The following FBXL17 variants were observed in gnomAD, a reference collection of about 807,000 sequenced individuals.
FBXL17 encodes the protein F-box/LRR-repeat protein 17.
In FBXL17, 22 loss-of-function variants were observed where a neutral mutation model predicts 66.2. The observed-to-expected ratio is 0.33, with a 90% confidence interval of 0.24 to 0.47. FBXL17 has a LOEUF of 0.47. Among genes scored for constraint, FBXL17 ranks in the 20% least tolerant of loss-of-function variants. The pLI is 1.00. For missense variants in FBXL17, 878 were observed against 948.2 expected (o/e 0.93, Z 0.97); for synonymous variants, 474 against 400.5 (o/e 1.18, Z -2.19).
chr5:108,322,808 C>G (rs1330392582), intron 4 of FBXL17, among the ~76,000 whole-genome samples: 1 of 151,858 alleles, frequency 6.6e-6, no homozygotes, highest in Non-Finnish European at 1.5e-5. Context: ...AAGGTCTGTA[C>G]AGTCACTGAA....
At chr5:107,995,023 T>C (rs925327640) in intron 7 of FBXL17, among the ~76,000 whole-genome samples, 3 of 152,178 alleles carry the variant, frequency 2.0e-5, no homozygotes, top group Non-Finnish European at 2.9e-5. Context: ...GTGGCAATAA[T>C]AGAAATGTTT....
chr5:107,902,274 A>T (rs532832332), intron 7 of FBXL17, among the ~76,000 whole-genome samples: 2 of 152,284 alleles, frequency 1.3e-5, no homozygotes, highest in South Asian at 4.1e-4. Flanking sequence ...CACTTGTCAC[A>T]ACAGTATATA....
At chr5:108,067,669 T>G (rs191513771) in intron 6 of FBXL17, among the ~76,000 whole-genome samples, 15 of 152,232 alleles carry the variant, frequency 9.9e-5, no homozygotes, top group African/African-American at 3.4e-4. Context: ...GTATTTGTAG[T>G]TTTTTATATG....
chr5:108,189,576 A>G (rs1371411751), intron 5 of FBXL17, among the ~76,000 whole-genome samples: 1 of 152,188 alleles, frequency 6.6e-6, no homozygotes, highest in East Asian at 1.9e-4. Context: ...ATGCTCTATC[A>G]TAATCCCTGC....
intron 5 of FBXL17, among the ~76,000 whole-genome samples, chr5:108,194,083 A>T (rs1753579197): frequency 6.6e-6 from 1 of 152,082 alleles, no homozygotes; most frequent in African/African-American, 2.4e-5. Context: ...AGGGAACAAA[A>T]ATATTTCTGC....
chr5:107,978,559 C>T (rs1752677304), intron 7 of FBXL17, among the ~76,000 whole-genome samples: 1 of 152,138 alleles, frequency 6.6e-6, no homozygotes, highest in Non-Finnish European at 1.5e-5. Context: ...CAGACTTTTA[C>T]ATTTCTGGCC....
intron 7 of FBXL17, among the ~76,000 whole-genome samples, chr5:107,977,875 G>A (rs1297913219): frequency 3.9e-5 from 6 of 152,188 alleles, no homozygotes; most frequent in African/African-American, 1.4e-4. Context: ...GGGGCTGGGA[G>A]GATGGGAAGT....
chr5:107,873,494 A>G (rs1024279912), intron 8 of FBXL17, among the ~76,000 whole-genome samples: 2 of 152,188 alleles, frequency 1.3e-5, no homozygotes, highest in African/African-American at 2.4e-5. Flanking sequence ...TGCAAACAGG[A>G]ACAGGATTTT....
intron 2 of FBXL17, 29 bp downstream of exon 2, chr5:108,367,802 T>G (rs183744963): frequency 5.2e-6 from 8 of 1,536,902 alleles, no homozygotes; most frequent in Admixed American, 4.1e-5. Flanking sequence ...GTAGGTCATA[T>G]GAGTGTTACT....
Position 108,315,941 on chromosome 5 carries a change from C to T in FBXL17, c.1506+32458G>A, listed in dbSNP as rs539694286. 2.6e-4 allele frequency among the ~76,000 whole-genome samples: 39 copies of T among 151,418 alleles called. No individual in the cohort carries two copies. In the South Asian group the frequency reaches 8.1e-3, roughly 31 times the overall value. ...TAAACAGCTATCATTTTTAGACATT[C>T]CAAAATGGGCACAAAACATAATTGG... On this transcript the variant is annotated intron_variant, in intron 4 of 8. Coordinates refer to ENST00000542267, the MANE Select transcript of FBXL17 (RefSeq NM_001163315.3).
At chr5:107,870,367 T>C (rs1748405681) in intron 8 of FBXL17, among the ~76,000 whole-genome samples, 1 of 152,176 alleles carries the variant, frequency 6.6e-6, no homozygotes, top group Non-Finnish European at 1.5e-5. Flanking sequence ...AAACAAAATG[T>C]GTATTCTTTG....
chr5:107,888,094 A>C (rs762932584), intron 7 of FBXL17, among the ~76,000 whole-genome samples: 34 of 152,194 alleles, frequency 2.2e-4, no homozygotes, highest in Non-Finnish European at 4.3e-4. Flanking sequence ...ATCTATAGTA[A>C]ACTGTACACT....
chr5:108,083,775 A>T (rs1232060263), intron 6 of FBXL17, among the ~76,000 whole-genome samples: 1 of 152,134 alleles, frequency 6.6e-6, no homozygotes, highest in Non-Finnish European at 1.5e-5. Context: ...AAATGTTCTC[A>T]TAAAGTATGA....
At chr5:107,955,413 C>T (rs775670713) in intron 7 of FBXL17, among the ~76,000 whole-genome samples, 3 of 152,128 alleles carry the variant, frequency 2.0e-5, no homozygotes, top group Non-Finnish European at 4.4e-5. Context: ...CAGAAAGATG[C>T]TTCACTTTAC....
At chr5:108,271,283 G>A (rs1453403221) in intron 4 of FBXL17, among the ~76,000 whole-genome samples, 1 of 151,988 alleles carries the variant, frequency 6.6e-6, no homozygotes. Flanking sequence ...TCCAACAAAT[G>A]TCCAAATCAT....
intron 6 of FBXL17, among the ~76,000 whole-genome samples, chr5:108,130,363 G>A (rs1422923080): frequency 6.6e-6 from 1 of 151,818 alleles, no homozygotes; most frequent in East Asian, 1.9e-4. Flanking sequence ...AGTGGGAGTG[G>A]AAAATAATAA....
chr5:108,299,021 A>AT (rs1316883102), intron 4 of FBXL17: 1 of 978,878 alleles, frequency 1.0e-6, no homozygotes, highest in Admixed American at 6.2e-5. Flanking sequence ...CTAGCTGCCA[A>AT]TATGGATACC....
intron 4 of FBXL17, among the ~76,000 whole-genome samples, chr5:108,259,087 C>T (rs542620278): frequency 1.3e-5 from 2 of 151,958 alleles, no homozygotes; most frequent in South Asian, 2.1e-4. Flanking sequence ...AATAAGTCTT[C>T]GGCGACTATC....
chr5:108,102,985 T>C (rs1241151312), intron 6 of FBXL17, among the ~76,000 whole-genome samples: 1 of 152,166 alleles, frequency 6.6e-6, no homozygotes, highest in Non-Finnish European at 1.5e-5. Flanking sequence ...CAAGGTAAAA[T>C]ATGTTATAAA....
Sources: allele counts gnomAD v4.1 joint callset (sites outside exome capture counted in the v4.1 genomes callset), GRCh38; gene constraint gnomAD v4.1.1; transcripts MANE v1.5; gene names NCBI Gene and HGNC (gene_info 2026-07-23, HGNC 2026-07-21).